Variants in PACRG observed in about 807,000 individuals in gnomAD.
The protein encoded by PACRG is parkin coregulated gene protein.
PACRG carries 29 observed loss-of-function variants against 29.7 expected under a neutral mutation model. The observed-to-expected ratio is 0.98, with a 90% confidence interval of 0.73 to 1.33. The LOEUF (loss-of-function observed/expected upper bound fraction) is 1.33, where lower values mean the gene tolerates loss of function less well. Ranked by LOEUF, PACRG falls within the 40% of genes most tolerant of loss-of-function variation. The pLI is 0.00. For synonymous variants in PACRG, 116 were observed against 118.7 expected (o/e 0.98, Z 0.15); for missense variants, 279 against 316.2 (o/e 0.88, Z 0.89).
chr6:162,811,617 G>A (rs1268047098), intron 1 of PACRG, among the ~76,000 whole-genome samples: 1 of 152,060 alleles, frequency 6.6e-6, no homozygotes, highest in Non-Finnish European at 1.5e-5. Flanking sequence ...TAAGAATAGA[G>A]GGGGAAAGGT....
chr6:162,897,442 A>C (rs185145147), intron 2 of PACRG, among the ~76,000 whole-genome samples: 78 of 152,300 alleles, frequency 5.1e-4, no homozygotes, highest in Admixed American at 2.1e-3. Flanking sequence ...CCAGAACTGA[A>C]GTCTCATTGA....
At chr6:162,919,290 A>T (rs757331856) in intron 2 of PACRG, among the ~76,000 whole-genome samples, 1 of 152,204 alleles carries the variant, frequency 6.6e-6, no homozygotes, top group Non-Finnish European at 1.5e-5. Flanking sequence ...CCTGTGATTT[A>T]TGGGAAGGAA....
At chr6:163,187,508 C>G (rs1780002491) in intron 4 of PACRG, among the ~76,000 whole-genome samples, 1 of 152,206 alleles carries the variant, frequency 6.6e-6, no homozygotes, top group East Asian at 1.9e-4. Context: ...CAGACTTCAT[C>G]ATGGTGCTGC....
intron 1 of PACRG, among the ~76,000 whole-genome samples, chr6:162,791,204 T>C (rs1381026475): frequency 1.3e-5 from 2 of 152,060 alleles, no homozygotes; most frequent in African/African-American, 2.4e-5. Flanking sequence ...GATACTTAAC[T>C]TAGATTGTAT....
At chr6:162,762,809 C>A (rs1469615150) in intron 1 of PACRG, among the ~76,000 whole-genome samples, 1 of 152,108 alleles carries the variant, frequency 6.6e-6, no homozygotes, top group African/African-American at 2.4e-5. Flanking sequence ...TTTTTCAGAG[C>A]TCTATTGATT....
At chr6:163,089,591 C>G (rs1457009006) in intron 4 of PACRG, among the ~76,000 whole-genome samples, 183 bp downstream of exon 4, 3 of 152,196 alleles carry the variant, frequency 2.0e-5, no homozygotes, top group Non-Finnish European at 4.4e-5. Flanking sequence ...GTAAAGTTAA[C>G]AATTTCATTT....
At chr6:162,741,140 T>A (rs996195689) in intron 1 of PACRG, among the ~76,000 whole-genome samples, 1 of 152,240 alleles carries the variant, frequency 6.6e-6, no homozygotes, top group African/African-American at 2.4e-5. Flanking sequence ...TTGGTGTCTC[T>A]GATTTACCAG....
rs1785592199 is a variant in PACRG at position 163,314,979 on chromosome 6, C to G, written c.766C>G (p.Leu256Val). The change falls in exon 5 of 5, where the codon CTA (leucine) becomes GTA (valine). Residue 256 changes from leucine (L) to valine (V), a missense_variant. By Grantham distance (32) the Leu-to-Val change is conservative. Transcript: ENST00000366888. ...GGTCCCAACCTACGAGTCTTGCTTGCTAAACTAACAGTGGCAGCAGCTGGG... is the reference window on the plus strand; with the variant it reads ...GGTCCCAACCTACGAGTCTTGCTTGGTAAACTAACAGTGGCAGCAGCTGGG... ...YVVPTYESCL[L>V]N 2 of 1,613,172 alleles carry G rather than the reference C, an allele frequency of 1.2e-6. No homozygotes were observed. The highest frequency in any genetic ancestry group is 2.7e-5 in the African/African-American group (2 of 74,918).
At position 162,977,381 on chromosome 6, in the gene PACRG, A is replaced by G. The variant is rs182840181; in HGVS notation, c.292-84769A>G. On this transcript the variant is annotated intron_variant, in intron 2 of 4. Coordinates refer to ENST00000366888, the MANE Select transcript of PACRG (RefSeq NM_001080379.2). ...AAATTAAACATATAAACAAGATACC[A>G]TTTTCTTTTATTAAAATTTCAAATT... is the stretch of plus-strand genomic sequence containing the variant. 2.7e-3 allele frequency among the ~76,000 whole-genome samples: 381 copies of G among 142,066 alleles called. 1 individual carries two copies. Among genetic ancestry groups the G allele is most frequent in the Admixed American group, 5.9e-3 (82 of 13,862 alleles). 93.2% of individuals were successfully genotyped at this position (142,066 alleles called of 152,430 possible).
chr6:163,267,727 C>A (rs1011562568), intron 4 of PACRG, among the ~76,000 whole-genome samples: 7 of 152,168 alleles, frequency 4.6e-5, no homozygotes, highest in African/African-American at 1.2e-4. Context: ...TCGTATAAAT[C>A]CCCTGTCACA....
At chr6:163,009,374 T>A (rs1033281585) in intron 2 of PACRG, among the ~76,000 whole-genome samples, 24 of 152,194 alleles carry the variant, frequency 1.6e-4, no homozygotes, top group Admixed American at 1.4e-3. Flanking sequence ...ATATGCCATA[T>A]TAAAGGAAAG....
intron 2 of PACRG, among the ~76,000 whole-genome samples, chr6:162,818,446 A>G (rs1333846842): frequency 6.6e-6 from 1 of 152,100 alleles, no homozygotes; most frequent in Non-Finnish European, 1.5e-5. Context: ...GAGGGAAGAA[A>G]TGCTATATGA....
At chr6:162,995,516 G>C (rs762993244) in intron 2 of PACRG, among the ~76,000 whole-genome samples, 1 of 152,154 alleles carries the variant, frequency 6.6e-6, no homozygotes, top group Admixed American at 6.5e-5. Flanking sequence ...AGGTGCGTCC[G>C]TCACCCCTTT....
At position 163,302,015 on chromosome 6, in the gene PACRG, A is replaced by G. The variant is rs868070169; in HGVS notation, c.614-12812A>G. Among the ~76,000 whole-genome samples the G allele has an allele frequency of 2.6e-5, 4 of 152,312 alleles. 1 individual carries two copies. In the Middle Eastern group the frequency reaches 0.014, roughly 518 times the overall value. On this transcript the variant is annotated intron_variant, in intron 4 of 4. Transcript: ENST00000366888. ...TAATGTCCTGATTCAGGGGAAAGCC[A>G]TCGGGTACACTAAACTGAGGAATTT...
chr6:163,277,557 A>G (rs767636006), intron 4 of PACRG, among the ~76,000 whole-genome samples: 39 of 148,698 alleles, frequency 2.6e-4, no homozygotes, highest in South Asian at 2.1e-4. Flanking sequence ...ATGTGTATGC[A>G]TATGTCTATT....
intron 1 of PACRG, among the ~76,000 whole-genome samples, chr6:162,779,671 T>G (rs1033867115): frequency 6.6e-6 from 1 of 152,204 alleles, no homozygotes; most frequent in Non-Finnish European, 1.5e-5. Flanking sequence ...AAAACCAGTC[T>G]TCCTTCTCTT....
chr6:163,276,723 C>G (rs1784041361), intron 4 of PACRG, among the ~76,000 whole-genome samples: 1 of 152,158 alleles, frequency 6.6e-6, no homozygotes, highest in African/African-American at 2.4e-5. Context: ...AGAGAATGAG[C>G]TTGAGGGAGC....
intron 4 of PACRG, among the ~76,000 whole-genome samples, chr6:163,091,450 T>C (rs1814102767): frequency 6.6e-6 from 1 of 152,238 alleles, no homozygotes; most frequent in Non-Finnish European, 1.5e-5. Context: ...GAGTCCTTAA[T>C]TGGTTCCAAA....
intron 4 of PACRG, among the ~76,000 whole-genome samples, chr6:163,257,585 G>C (rs1007702302): frequency 2.6e-5 from 4 of 152,248 alleles, no homozygotes; most frequent in East Asian, 1.9e-4. Context: ...ATCTCATAGA[G>C]TTAATCCTCT....
Sources: gnomAD v4.1 joint callset for allele counts (sites outside exome capture counted in the v4.1 genomes callset) on GRCh38, gnomAD v4.1.1 for gene constraint, MANE v1.5 for transcripts, NCBI Gene and HGNC (gene_info 2026-07-23, HGNC 2026-07-21) for gene names.